TTC28: variants seen among roughly 807,000 people sequenced by gnomAD.
TTC28 encodes tetratricopeptide repeat protein 28.
TTC28 carries 61 observed loss-of-function variants against 198.0 expected under a neutral mutation model. The observed-to-expected ratio is 0.31, with a 90% confidence interval of 0.25 to 0.38. The LOEUF (loss-of-function observed/expected upper bound fraction) is 0.38, where lower values mean the gene tolerates loss of function less well. TTC28 is among the 10% of genes least tolerant of loss of function. The pLI is 1.00. For missense variants in TTC28, 2,678 were observed against 3,164.0 expected (o/e 0.85, Z 3.69); for synonymous variants, 1,171 against 1,297.8 (o/e 0.90, Z 2.10).
chr22:27,980,501 A>G lies in TTC28; in HGVS notation c.*1720T>C, dbSNP rs1466857975. ...TATCCTTTCTTCTTTTCAGAGGAGT[A>G]CACTGAGGAACAGGTGAGATTGTCA... On this transcript the variant is annotated 3_prime_UTR_variant, in exon 23 of 23. Transcript: ENST00000397906. The G allele has an allele frequency of 2.0e-5, 3 of 152,216 alleles. No homozygotes were observed. The highest frequency in any genetic ancestry group is 6.5e-5 in the Admixed American group (1 of 15,280). The allele number at this position is 152,216 out of a possible 1,614,324, so 9.4% of individuals were successfully genotyped here.
intron 1 of TTC28, among the ~76,000 whole-genome samples, chr22:28,642,652 T>C (rs1377424088): frequency 6.6e-6 from 1 of 151,898 alleles, no homozygotes; most frequent in Non-Finnish European, 1.5e-5. Context: ...TGGAATTAGG[T>C]CTCTAGAGAA....
chr22:28,101,782 T>TTA (rs1276641418), intron 8 of TTC28, among the ~76,000 whole-genome samples: 1 of 53,128 alleles, frequency 1.9e-5, no homozygotes, highest in Non-Finnish European at 3.1e-5. Context: ...CCATCTCTGT[T>TTA]AAAAAAAAAA....
At chr22:28,155,049 C>T (rs1943721353) in intron 6 of TTC28, among the ~76,000 whole-genome samples, 1 of 152,174 alleles carries the variant, frequency 6.6e-6, no homozygotes, top group African/African-American at 2.4e-5. Flanking sequence ...TCCCTGGATT[C>T]CCCCGACCCT....
chr22:28,107,467 T>C lies in TTC28; in HGVS notation c.2378A>G (p.Glu793Gly), dbSNP rs934899691. The change falls in exon 7 of 23, where the codon GAG becomes GGG. Residue 793 changes from glutamate to glycine, a missense_variant. Physicochemically the swap from Glu to Gly is moderately conservative, Grantham distance 98. Coordinates refer to ENST00000397906, the MANE Select transcript of TTC28 (RefSeq NM_001145418.2). The part of the protein sequence containing the change: ...VYQELSDLPG[E>G]CRAHGHLAAV... ...AGCCAGGTGCCCATGAGCTCTGCAC[T>C]CCCCTGGCAAGTCACTCAGCTCCTG... is the stretch of plus-strand genomic sequence containing the variant. 2.6e-6 allele frequency: 4 copies of C among 1,551,562 alleles called. No homozygotes were observed. The African/African-American group carries it at 4.1e-5, about 16-fold the overall frequency.
At chr22:28,657,564 G>A (rs562098058) in intron 1 of TTC28, among the ~76,000 whole-genome samples, 48 of 152,336 alleles carry the variant, frequency 3.2e-4, no homozygotes, top group African/African-American at 1.0e-3. Flanking sequence ...ATTCACAGAT[G>A]TGTACAATTT....
At chr22:28,248,428 G>A (rs1930267173) in intron 5 of TTC28, among the ~76,000 whole-genome samples, 1 of 152,116 alleles carries the variant, frequency 6.6e-6, no homozygotes, top group Admixed American at 6.5e-5. Context: ...TAAGGAGGAT[G>A]TTAGAATTTA....
At chr22:28,255,154 T>C (rs1395038801) in intron 5 of TTC28, among the ~76,000 whole-genome samples, 2 of 151,920 alleles carry the variant, frequency 1.3e-5, no homozygotes, top group Non-Finnish European at 2.9e-5. Flanking sequence ...CCAGTAAAAA[T>C]GATCTTGCAA....
At chr22:28,033,409 G>A (rs1329747496) in intron 12 of TTC28, among the ~76,000 whole-genome samples, 1 of 152,134 alleles carries the variant, frequency 6.6e-6, no homozygotes, top group Non-Finnish European at 1.5e-5. Flanking sequence ...TGGCACATCT[G>A]GTCACCATAG....
intron 2 of TTC28, among the ~76,000 whole-genome samples, chr22:28,437,625 C>G (rs999489100): frequency 9.9e-5 from 15 of 151,928 alleles, no homozygotes; most frequent in Non-Finnish European, 2.1e-4. Context: ...CAGGGTATTG[C>G]TCTGTCACTC....
intron 2 of TTC28, among the ~76,000 whole-genome samples, chr22:28,342,867 T>A (rs890835638): frequency 3.9e-5 from 6 of 152,092 alleles, no homozygotes; most frequent in Admixed American, 6.5e-5. Context: ...TCCAAATAAG[T>A]CTGAGAAATT....
chr22:28,677,855 T>C (rs2052024837), intron 1 of TTC28, among the ~76,000 whole-genome samples: 1 of 151,996 alleles, frequency 6.6e-6, no homozygotes, highest in South Asian at 2.1e-4. Context: ...GGGGAATCGC[T>C]TGAATTCGGG....
At chr22:28,630,068 T>C (rs1366815562) in intron 1 of TTC28, among the ~76,000 whole-genome samples, 5 of 152,058 alleles carry the variant, frequency 3.3e-5, no homozygotes, top group Non-Finnish European at 7.4e-5. Flanking sequence ...GAGCCGGTTG[T>C]TAAGAGACCT....
rs1183912011 is a variant in TTC28 at position 27,998,508 on chromosome 22, T to G, written c.5119+32A>C. On this transcript the variant is annotated intron_variant, in intron 16 of 22. Transcript: ENST00000397906. ...GCTGTGAGGACTGAGCCCCAGGCCT[T>G]GACAGGCACCCGCAGCCAGCCGAAC... The G allele has an allele frequency of 5.9e-6, 9 of 1,531,986 alleles. No individual in the cohort carries two copies. In the South Asian group the frequency reaches 9.9e-5, roughly 17 times the overall value. 94.9% of individuals were successfully genotyped at this position (1,531,986 alleles called of 1,614,324 possible).
At chr22:28,224,586 A>G (rs979428181) in intron 5 of TTC28, among the ~76,000 whole-genome samples, 5 of 152,166 alleles carry the variant, frequency 3.3e-5, no homozygotes, top group Non-Finnish European at 7.3e-5. Context: ...GGGAGTTAGA[A>G]ACTGATATAG....
At chr22:28,571,258 T>A (rs2050056221) in intron 2 of TTC28, among the ~76,000 whole-genome samples, 1 of 152,294 alleles carries the variant, frequency 6.6e-6, no homozygotes, top group African/African-American at 2.4e-5. Flanking sequence ...ATTTTCTACA[T>A]CATAACTGAA....
chr22:28,289,804 T>C (rs2044753358), intron 5 of TTC28, among the ~76,000 whole-genome samples: 1 of 152,124 alleles, frequency 6.6e-6, no homozygotes, highest in South Asian at 2.1e-4. Context: ...GGCGGGTGGA[T>C]CACCTGAGAT....
intron 15 of TTC28, 25 bp downstream of exon 15, chr22:28,001,349 C>T: frequency 6.5e-7 from 1 of 1,530,262 alleles, no homozygotes; most frequent in Non-Finnish European, 8.8e-7. Flanking sequence ...AGCCCCCGGC[C>T]CCCCACCATG....
intron 16 of TTC28, among the ~76,000 whole-genome samples, chr22:27,996,915 A>C (rs1159199776): frequency 6.6e-6 from 1 of 152,236 alleles, no homozygotes; most frequent in Non-Finnish European, 1.5e-5. Flanking sequence ...ATCCAGAACA[A>C]AGTTGTGACT....
Position 28,320,037 on chromosome 22 carries a change from T to C in TTC28, c.382-13394A>G, listed in dbSNP as rs952820731. Among the ~76,000 whole-genome samples, 4 of 152,228 alleles carry C rather than the reference T, an allele frequency of 2.6e-5. No individual in the cohort carries two copies. The South Asian group carries it at 6.2e-4, about 24-fold the overall frequency. On this transcript the variant is annotated intron_variant, in intron 2 of 22. Transcript: ENST00000397906. ...AGAATTTTGGCTGCTTTAATTCCCA[T>C]GTTTTTGCTTCACTGTTTTTTTCCT... is the stretch of plus-strand genomic sequence containing the variant.
Sources: allele counts gnomAD v4.1 joint callset (sites outside exome capture counted in the v4.1 genomes callset), GRCh38; gene constraint gnomAD v4.1.1; transcripts MANE v1.5; gene names NCBI Gene and HGNC (gene_info 2026-07-23, HGNC 2026-07-21).